The following MTUS2 variants were observed in gnomAD, a reference collection of about 807,000 sequenced individuals.
MTUS2 encodes the protein microtubule-associated tumor suppressor candidate 2.
MTUS2 carries 40 observed loss-of-function variants against 114.1 expected under a neutral mutation model. That is an observed-to-expected ratio of 0.35 (90% confidence interval 0.27 to 0.46). The LOEUF (loss-of-function observed/expected upper bound fraction) is 0.46. Ranked by LOEUF, MTUS2 falls within the 20% of genes least tolerant of loss-of-function variation. MTUS2 has a pLI of 1.00. For missense variants in MTUS2, 1,679 were observed against 1,705.4 expected, an observed-to-expected ratio of 0.98 and a Z score of 0.27; for synonymous variants, 688 against 672.0, an observed-to-expected ratio of 1.02 and a Z score of -0.37.
At chr13:29,282,044 C>T (rs957896390) in intron 6 of MTUS2, among the ~76,000 whole-genome samples, 179 bp downstream of exon 6, 1 of 152,236 alleles carries the variant, frequency 6.6e-6, no homozygotes. Flanking sequence ...TTTAAATTCT[C>T]GTAACTGCCT....
intron 2 of MTUS2, among the ~76,000 whole-genome samples, chr13:28,946,304 T>TGTGTGTGTGCGCGC (rs1179597309): frequency 1.3e-5 from 2 of 150,216 alleles, no homozygotes; most frequent in African/African-American, 4.9e-5. Context: ...TGTGTGTGTG[T>TGTGTGTGTGCGCGC]GCGCGCGCAC....
At chr13:28,932,449 C>A (rs1881669211) in intron 2 of MTUS2, among the ~76,000 whole-genome samples, 1 of 152,132 alleles carries the variant, frequency 6.6e-6, no homozygotes, top group Non-Finnish European at 1.5e-5. Context: ...GTCCTGGAAC[C>A]AATACCCCAC....
intron 5 of MTUS2, among the ~76,000 whole-genome samples, chr13:29,277,441 G>A (rs1332872902): frequency 6.6e-6 from 1 of 152,174 alleles, no homozygotes. Context: ...AAGATAGTTA[G>A]GACAATTTTT....
intron 4 of MTUS2, among the ~76,000 whole-genome samples, chr13:29,053,726 A>G (rs1331165685): frequency 4.6e-5 from 7 of 152,174 alleles, no homozygotes; most frequent in South Asian, 2.1e-4. Flanking sequence ...AGATTCACTC[A>G]TGTTATTACA....
chr13:28,904,490 G>A (rs1240174165), intron 2 of MTUS2, among the ~76,000 whole-genome samples: 2 of 152,144 alleles, frequency 1.3e-5, no homozygotes, highest in Non-Finnish European at 2.9e-5. Flanking sequence ...AGTTTTCCCA[G>A]CACCATTTAT....
At chr13:29,112,497 G>C (rs1406266008) in intron 5 of MTUS2, among the ~76,000 whole-genome samples, 3 of 152,180 alleles carry the variant, frequency 2.0e-5, no homozygotes, top group African/African-American at 7.2e-5. Context: ...AGGTTACAAG[G>C]GGGTAAGGAA....
chr13:28,909,860 T>C lies in MTUS2; in HGVS notation c.-243+70010T>C, dbSNP rs111575334. Among the ~76,000 whole-genome samples the C allele has an allele frequency of 9.9e-3, 1,510 of 152,290 alleles. 26 individuals carry two copies. The highest frequency in any genetic ancestry group is 0.034 in the African/African-American group (1,424 of 41,540). On this transcript the variant is annotated intron_variant, in intron 2 of 15. Coordinates refer to ENST00000612955, the MANE Select transcript of MTUS2 (RefSeq NM_001033602.4). ...ACGATACAAAATCAGTGTGCAAAAA[T>C]CACAGCCGTTCTTCAGCAATTGTTT...
intron 5 of MTUS2, among the ~76,000 whole-genome samples, chr13:29,105,899 T>C (rs913404078): frequency 1.3e-5 from 2 of 152,120 alleles, no homozygotes; most frequent in African/African-American, 4.8e-5. Context: ...AGATCTTTGG[T>C]AGGGGAGCGG....
intron 8 of MTUS2, among the ~76,000 whole-genome samples, chr13:29,380,922 CAAAAAAAAAAA>C (rs1220256945): frequency 1.2e-4 from 1 of 8,166 alleles, no homozygotes; most frequent in African/African-American, 1.9e-4. Context: ...GACTCCGTCT[CAAAAAAAAAAA>C]AAAAAAAAAA....
At position 29,026,025 on chromosome 13, in the gene MTUS2, A is replaced by T. The variant is rs201572486; in HGVS notation, c.1327A>T (p.Asn443Tyr). ...CAGTCATGTGGCTTTTATTCCTAAT[A>T]ATCTGACTGACAGCAAGCCCTTGGA... ...GDSHVAFIPN[N>Y]LTDSKPLDVI... Residue 443 changes from asparagine (N) to tyrosine (Y), a missense_variant, in exon 3 of 16, where the codon AAT becomes TAT. Physicochemically the swap from Asn to Tyr is moderately radical, Grantham distance 143. Coordinates refer to ENST00000612955, the MANE Select transcript of MTUS2 (RefSeq NM_001033602.4). 192 of 1,613,840 alleles carry T rather than the reference A, an allele frequency of 1.2e-4. No homozygotes were observed. Among genetic ancestry groups the T allele is most frequent in the Middle Eastern group, 9.9e-4 (6 of 6,084 alleles).
Position 29,321,847 on chromosome 13 carries a change from A to G in MTUS2, c.2807-2766A>G, listed in dbSNP as rs1433563927. On this transcript the variant is annotated intron_variant, in intron 6 of 15. Transcript: ENST00000612955. ...TTTTACTTATTTCTAAGCATAATAC[A>G]TATGACATTTTGTGTTATGAAAATG... Among the ~76,000 whole-genome samples, 4 of 152,190 alleles carry G rather than the reference A, an allele frequency of 2.6e-5. No homozygotes were observed. The East Asian group carries it at 7.7e-4, about 29-fold the overall frequency.
chr13:28,876,774 A>G (rs1299561150), intron 2 of MTUS2, among the ~76,000 whole-genome samples: 1 of 152,186 alleles, frequency 6.6e-6, no homozygotes, highest in Non-Finnish European at 1.5e-5. Flanking sequence ...TTCATTAGGA[A>G]GGAGGGAAAA....
intron 2 of MTUS2, among the ~76,000 whole-genome samples, chr13:28,939,387 AT>A (rs1390309040): frequency 2.0e-5 from 3 of 152,164 alleles, no homozygotes; most frequent in Admixed American, 2.0e-4. Flanking sequence ...GTTTGTTTAT[AT>A]TTTGTGTGTA....
chr13:29,475,606 G>A (rs1880642001), intron 9 of MTUS2, among the ~76,000 whole-genome samples: 2 of 152,016 alleles, frequency 1.3e-5, no homozygotes, highest in Admixed American at 1.3e-4. Context: ...GTAGGCTTAC[G>A]CTAATATATG....
rs772051644 is a variant in MTUS2, at chr13:29,389,724, CATAT to C, written c.3117+30252_3117+30255del. Among the ~76,000 whole-genome samples, 166 of 97,638 alleles carry C rather than the reference CATAT, an allele frequency of 1.7e-3. 3 individuals carry two copies. The highest frequency in any genetic ancestry group is 2.2e-3 in the Non-Finnish European group (100 of 45,174). 64.1% of individuals were successfully genotyped at this position (97,638 alleles called of 152,430 possible). A position where few individuals can be genotyped will look rare whatever the true frequency, so the allele number is the denominator to read the frequency against. ...ATATGTGTATATGTATATATACATACATATGTGTGTATATGTATATACATACATA... is the reference window on the plus strand; with the variant it reads ...ATATGTGTATATGTATATATACATACGTGTGTATATGTATATACATACATA... On this transcript the variant is annotated intron_variant, in intron 8 of 15. Coordinates refer to ENST00000612955, the MANE Select transcript of MTUS2 (RefSeq NM_001033602.4).
intron 4 of MTUS2, among the ~76,000 whole-genome samples, chr13:29,047,085 T>C (rs1887658440): frequency 6.6e-6 from 1 of 152,196 alleles, no homozygotes; most frequent in Admixed American, 6.5e-5. Context: ...TAAAATTGCT[T>C]TGTTAAGAAT....
chr13:29,099,180 A>T (rs1251087716), intron 4 of MTUS2, among the ~76,000 whole-genome samples: 1 of 152,234 alleles, frequency 6.6e-6, no homozygotes, highest in Non-Finnish European at 1.5e-5. Flanking sequence ...TGCTGATACA[A>T]ACGGGCCATT....
At chr13:29,210,152 T>C (rs1895364368) in intron 5 of MTUS2, among the ~76,000 whole-genome samples, 1 of 152,122 alleles carries the variant, frequency 6.6e-6, no homozygotes, top group Non-Finnish European at 1.5e-5. Flanking sequence ...TTTGTTGGAA[T>C]GGGTTAATTC....
chr13:29,352,954 A>G (rs1342518329), intron 7 of MTUS2, among the ~76,000 whole-genome samples: 1 of 152,124 alleles, frequency 6.6e-6, no homozygotes, highest in Non-Finnish European at 1.5e-5. Context: ...GACATGTTAA[A>G]TTATTCCTCT....
Sources: gnomAD v4.1 joint callset for allele counts (sites outside exome capture counted in the v4.1 genomes callset) on GRCh38, gnomAD v4.1.1 for gene constraint, MANE v1.5 for transcripts, NCBI Gene and HGNC (gene_info 2026-07-23, HGNC 2026-07-21) for gene names.